SAMD5: variants seen among roughly 807,000 people sequenced by gnomAD.
The protein encoded by SAMD5 is sterile alpha motif domain containing 5.
Under a neutral mutation model 11.3 loss-of-function variants are expected in SAMD5, and 13 were observed. The observed-to-expected ratio is 1.15, with a 90% confidence interval of 0.75 to 1.83. SAMD5 has a LOEUF of 1.83. SAMD5 is among the 40% of genes most tolerant of loss of function. SAMD5 has a pLI of 0.00. For synonymous variants in SAMD5, 129 were observed against 111.3 expected (o/e 1.16, Z -1.00); for missense variants, 255 against 239.1 (o/e 1.07, Z -0.44).
At chr6:147,901,726 C>T in the SAMD5 span, among the ~76,000 whole-genome samples, 1 of 152,162 alleles carries the variant, frequency 6.6e-6, no homozygotes, top group Non-Finnish European at 1.5e-5. Flanking sequence ...ACTTATTTAG[C>T]ATTCATTCCA....
chr6:147,894,626 CA>C, the SAMD5 span, among the ~76,000 whole-genome samples: 4 of 152,152 alleles, frequency 2.6e-5, no homozygotes, highest in Non-Finnish European at 4.4e-5. Context: ...TAGGAAATCC[CA>C]TATTAAACAC....
intron 1 of SAMD5, among the ~76,000 whole-genome samples, chr6:147,526,665 T>C (rs1788346837): frequency 6.6e-6 from 1 of 152,262 alleles, no homozygotes; most frequent in Non-Finnish European, 1.5e-5. Context: ...ACAGGGATAC[T>C]GTCCATTTAT....
chr6:147,772,950 G>A, the SAMD5 span, among the ~76,000 whole-genome samples: 238 of 152,278 alleles, frequency 1.6e-3, 4 homozygotes, highest in Non-Finnish European at 4.0e-4. Flanking sequence ...TGCCCGCTAT[G>A]CTGTTTTGAT....
rs184730860 is a variant in SAMD5 at position 147,517,897 on chromosome 6, T to C, written c.459+8510T>C. Among the ~76,000 whole-genome samples, 451 of 152,046 alleles carry C rather than the reference T, an allele frequency of 3.0e-3. 5 individuals carry two copies. Among genetic ancestry groups the C allele is most frequent in the African/African-American group, 0.01 (423 of 41,478 alleles). The stretch of plus-strand genomic sequence containing the variant: ...TGTTTTTTTTTTTTGGTATGACTTA[T>C]GGAATGGTTTTCAGATTTTATGATA... On this transcript the variant is annotated intron_variant, in intron 1 of 1. Coordinates refer to ENST00000367474, the MANE Select transcript of SAMD5 (RefSeq NM_001030060.3).
At chr6:147,619,241 A>G (rs1789921333) in intron 1 of SAMD5, among the ~76,000 whole-genome samples, 2 of 152,244 alleles carry the variant, frequency 1.3e-5, no homozygotes, top group Admixed American at 6.5e-5. Context: ...ATGAGAAAAA[A>G]TAGAAATCAC....
the SAMD5 span, among the ~76,000 whole-genome samples, chr6:147,931,755 C>T: frequency 6.8e-4 from 103 of 152,234 alleles, no homozygotes; most frequent in Non-Finnish European, 1.2e-3. Flanking sequence ...CTTTGAATTA[C>T]AATTTTATTA....
chr6:147,891,131 A>T, the SAMD5 span, among the ~76,000 whole-genome samples: 1 of 152,254 alleles, frequency 6.6e-6, no homozygotes, highest in Non-Finnish European at 1.5e-5. Context: ...ATGTAAAAGC[A>T]TTAAAAAATA....
chr6:147,634,074 C>T (rs1227489319), intron 1 of SAMD5, among the ~76,000 whole-genome samples: 2 of 152,058 alleles, frequency 1.3e-5, no homozygotes, highest in East Asian at 1.9e-4. Context: ...TAAATGAAAT[C>T]GTACAATGGG....
chr6:147,754,347 C>CTT, the SAMD5 span, among the ~76,000 whole-genome samples: 61,934 of 130,126 alleles, frequency 0.48, 15,323 homozygotes, highest in Middle Eastern at 0.56. Context: ...ATTTGTATGT[C>CTT]TTTTTTTTTT....
intron 1 of SAMD5, among the ~76,000 whole-genome samples, chr6:147,557,284 A>G (rs1462692704): frequency 6.6e-6 from 1 of 152,240 alleles, no homozygotes; most frequent in Non-Finnish European, 1.5e-5. Flanking sequence ...AAACATTTCT[A>G]ATAACATTTA....
chr6:147,541,287 G>A (rs1271678284), intron 1 of SAMD5, among the ~76,000 whole-genome samples: 1 of 152,114 alleles, frequency 6.6e-6, no homozygotes, highest in Admixed American at 6.5e-5. Context: ...ACCCTTTCCT[G>A]TTTTATGGAA....
the SAMD5 span, among the ~76,000 whole-genome samples, chr6:147,942,281 C>A: frequency 6.6e-6 from 1 of 152,176 alleles, no homozygotes; most frequent in Admixed American, 6.5e-5. Context: ...AAAGAAATCA[C>A]CTCCAGATCT....
chr6:147,825,489 G>A, the SAMD5 span, among the ~76,000 whole-genome samples: 2 of 152,178 alleles, frequency 1.3e-5, no homozygotes, highest in African/African-American at 4.8e-5. Flanking sequence ...ATATGGATGT[G>A]TTGAGGCTAC....
At chr6:147,849,583 TC>T in the SAMD5 span, among the ~76,000 whole-genome samples, 1 of 152,224 alleles carries the variant, frequency 6.6e-6, no homozygotes, top group South Asian at 2.1e-4. Flanking sequence ...ATTTTTTGTA[TC>T]CTGATTTAGC....
intron 1 of SAMD5, among the ~76,000 whole-genome samples, chr6:147,629,948 CTTTT>C (rs770484060): frequency 1.6e-5 from 2 of 123,242 alleles, no homozygotes. Context: ...GTTTTCTTTT[CTTTT>C]TTTTTTTTTT....
At chr6:147,649,295 A>C (rs994039679) in intron 1 of SAMD5, among the ~76,000 whole-genome samples, 27 of 152,134 alleles carry the variant, frequency 1.8e-4, no homozygotes, top group Admixed American at 5.2e-4. Flanking sequence ...GATGTCTTTT[A>C]TCTTTATGAT....
chr6:147,789,278 AACACACACACACACACACAC>A, the SAMD5 span, among the ~76,000 whole-genome samples: 11 of 141,194 alleles, frequency 7.8e-5, no homozygotes, highest in South Asian at 7.3e-4. Flanking sequence ...TCTCTAGAAA[AACACACACACACACACACAC>A]ACACACACAC....
chr6:147,579,663 G>T (rs183014565), intron 1 of SAMD5, among the ~76,000 whole-genome samples: 1 of 151,944 alleles, frequency 6.6e-6, no homozygotes, highest in East Asian at 1.9e-4. Context: ...CACCATGTTG[G>T]CCAGGCTGGT....
intron 1 of SAMD5, among the ~76,000 whole-genome samples, chr6:147,524,767 T>G (rs1039933697): frequency 6.6e-6 from 1 of 152,122 alleles, no homozygotes; most frequent in African/African-American, 2.4e-5. Flanking sequence ...TCAGATATAT[T>G]AATAACATAA....
Sources: allele counts gnomAD v4.1 joint callset (sites outside exome capture counted in the v4.1 genomes callset), GRCh38; gene constraint gnomAD v4.1.1; transcripts MANE v1.5; gene names NCBI Gene and HGNC (gene_info 2026-07-23, HGNC 2026-07-21).